Variants in SERGEF observed in about 807,000 individuals in gnomAD.
SERGEF encodes secretion-regulating guanine nucleotide exchange factor.
SERGEF carries 51 observed loss-of-function variants against 50.0 expected under a neutral mutation model. The ratio of observed to expected loss-of-function variants is 1.02; its 90% confidence interval spans 0.81 to 1.29. SERGEF has a LOEUF of 1.29. SERGEF is among the 50% of genes most tolerant of loss of function. The pLI, the probability that SERGEF is intolerant of heterozygous loss-of-function variation, is 0.00. For synonymous variants in SERGEF, 205 were observed against 212.4 expected (o/e 0.97, Z 0.30); for missense variants, 521 against 557.0 (o/e 0.94, Z 0.65).
At chr11:17,808,034 A>G (rs773496430) in intron 10 of SERGEF, among the ~76,000 whole-genome samples, 1 of 151,982 alleles carries the variant, frequency 6.6e-6, no homozygotes, top group Non-Finnish European at 1.5e-5. Flanking sequence ...GTGTCCCCTA[A>G]TCTGAGAGTT....
chr11:17,851,607 T>G (rs1390586235), intron 10 of SERGEF, among the ~76,000 whole-genome samples: 1 of 152,136 alleles, frequency 6.6e-6, no homozygotes, highest in African/African-American at 2.4e-5. Flanking sequence ...CCCAAAGTCA[T>G]GAAGTCAGCC....
At chr11:17,994,270 C>T (rs761585869) in intron 6 of SERGEF, among the ~76,000 whole-genome samples, 1 of 151,850 alleles carries the variant, frequency 6.6e-6, no homozygotes, top group Non-Finnish European at 1.5e-5. Context: ...GTCAGGAGAT[C>T]GAGACCATCC....
intron 10 of SERGEF, among the ~76,000 whole-genome samples, chr11:17,827,631 G>C (rs145682159): frequency 8.5e-5 from 13 of 152,182 alleles, no homozygotes; most frequent in Non-Finnish European, 1.3e-4. Context: ...CTACTCTTCA[G>C]TTACCTCTCG....
At chr11:17,967,449 C>T (rs939749223) in intron 8 of SERGEF, among the ~76,000 whole-genome samples, 10 of 152,194 alleles carry the variant, frequency 6.6e-5, no homozygotes, top group Non-Finnish European at 1.3e-4. Flanking sequence ...CCATCCTTGA[C>T]CTATATGGCA....
intron 7 of SERGEF, among the ~76,000 whole-genome samples, chr11:17,992,684 C>G (rs967377813): frequency 6.6e-6 from 1 of 152,144 alleles, no homozygotes; most frequent in Non-Finnish European, 1.5e-5. Flanking sequence ...TGGAAGTGAG[C>G]CTATGTCTGC....
In SERGEF at chr11:17,917,450, T is replaced by G. The variant is rs529145159; in HGVS notation, c.1012-39206A>C. Among the ~76,000 whole-genome samples the G allele has an allele frequency of 8.5e-5, 13 of 152,274 alleles. No homozygotes were observed. The South Asian group carries it at 2.5e-3, about 29-fold the overall frequency. The stretch of plus-strand genomic sequence containing the variant: ...GGGAAGTGGGTGATGGATACAAGAC[T>G]GCAAATTGGGTTTAATGTATACTGC... On this transcript the variant is annotated intron_variant, in intron 9 of 10. Transcript: ENST00000265965.
chr11:17,810,806 G>GAAA (rs879258745), intron 10 of SERGEF, among the ~76,000 whole-genome samples: 2 of 134,702 alleles, frequency 1.5e-5, no homozygotes, highest in Non-Finnish European at 3.2e-5. Flanking sequence ...TACAGGTGAA[G>GAAA]AAAAAAAAAA....
At chr11:17,951,338 T>A (rs571029003) in intron 9 of SERGEF, among the ~76,000 whole-genome samples, 1 of 152,228 alleles carries the variant, frequency 6.6e-6, no homozygotes, top group Non-Finnish European at 1.5e-5. Flanking sequence ...GATATTATTA[T>A]GTGCACTTTG....
chr11:17,984,811 T>C (rs1217200031), intron 8 of SERGEF, among the ~76,000 whole-genome samples: 1 of 152,208 alleles, frequency 6.6e-6, no homozygotes, highest in East Asian at 1.9e-4. Flanking sequence ...ACTTATTCAT[T>C]CAGCACTTAG....
intron 8 of SERGEF, among the ~76,000 whole-genome samples, chr11:17,986,753 T>G (rs1200669310): frequency 1.3e-5 from 2 of 152,268 alleles, no homozygotes; most frequent in Admixed American, 6.5e-5. Context: ...CTTGGAAGAC[T>G]GACTAACCAT....
intron 8 of SERGEF, among the ~76,000 whole-genome samples, chr11:17,970,586 G>T (rs1853226310): frequency 6.6e-6 from 1 of 152,230 alleles, no homozygotes; most frequent in Non-Finnish European, 1.5e-5. Context: ...CAAAAGCCAA[G>T]ATAGGCTAAA....
At position 17,789,848 on chromosome 11, in the gene SERGEF, G is replaced by A. The variant is rs546011936; in HGVS notation, c.1049-1435C>T. ...AAGTAAATTAAAATTAGCCAGACATGGTGGTGCATGCCTGTAATCCCAGCT... is the reference window on the plus strand; with the variant it reads ...AAGTAAATTAAAATTAGCCAGACATAGTGGTGCATGCCTGTAATCCCAGCT... On this transcript the variant is annotated intron_variant, in intron 10 of 10. Transcript: ENST00000265965. Among the ~76,000 whole-genome samples, 15 of 152,230 alleles carry A rather than the reference G, an allele frequency of 9.9e-5. No individual in the cohort carries two copies. In the South Asian group the frequency reaches 2.9e-3, roughly 29 times the overall value.
chr11:17,871,624 A>C (rs1170915895), intron 10 of SERGEF, among the ~76,000 whole-genome samples: 1 of 152,170 alleles, frequency 6.6e-6, no homozygotes, highest in African/African-American at 2.4e-5. Context: ...AAAGACTTAA[A>C]GTCTTCGGAC....
chr11:17,896,508 A>T (rs1035598081), intron 9 of SERGEF, among the ~76,000 whole-genome samples: 2 of 148,772 alleles, frequency 1.3e-5, no homozygotes. Context: ...GAAAAAAATG[A>T]GTGTTTTCAG....
chr11:17,878,102 C>T, intron 10 of SERGEF, 106 bp downstream of exon 10: 5 of 780,162 alleles, frequency 6.4e-6, no homozygotes, highest in African/African-American at 1.8e-5. Flanking sequence ...TCCCCTAACA[C>T]ACATGCATGA....
At position 17,888,403 on chromosome 11, in the gene SERGEF, TTAAC is replaced by T. The variant is rs1185460915; in HGVS notation, c.1012-10163_1012-10160del. Among the ~76,000 whole-genome samples, 2 of 152,180 alleles carry T rather than the reference TTAAC, an allele frequency of 1.3e-5. No homozygotes were observed. The highest frequency in any genetic ancestry group is 2.9e-5 in the Non-Finnish European group (2 of 68,040). The stretch of plus-strand genomic sequence containing the variant: ...TACAAACAAACAATGCAAAAAAAAT[TTAAC>T]TACTTTGTAGGTTATTTTCTTTCAT... On this transcript the variant is annotated intron_variant, in intron 9 of 10. Coordinates refer to ENST00000265965, the MANE Select transcript of SERGEF (RefSeq NM_012139.4). This position sits in a 1 kb window ranked among gnomAD's most constrained non-coding sequence, Gnocchi z 4.1.
intron 9 of SERGEF, among the ~76,000 whole-genome samples, chr11:17,944,944 T>G (rs953892310): frequency 2.6e-5 from 4 of 152,174 alleles, no homozygotes; most frequent in Admixed American, 1.3e-4. Context: ...AAAAGAATGA[T>G]CTCATGAACA....
chr11:17,906,188 G>A (rs1051311815), intron 9 of SERGEF, among the ~76,000 whole-genome samples: 1 of 152,092 alleles, frequency 6.6e-6, no homozygotes, highest in African/African-American at 2.4e-5. Flanking sequence ...GGGAGGGGTG[G>A]GCTGATAAGG....
At chr11:17,886,376 G>A (rs1207378285) in intron 9 of SERGEF, among the ~76,000 whole-genome samples, 1 of 152,184 alleles carries the variant, frequency 6.6e-6, no homozygotes, top group Non-Finnish European at 1.5e-5. Flanking sequence ...TTAGGAGGCT[G>A]AGGCAAGCAG....
Sources: gnomAD v4.1 joint callset for allele counts (sites outside exome capture counted in the v4.1 genomes callset) on GRCh38, gnomAD v4.1.1 for gene constraint, Gnocchi (gnomAD v3.1) non-coding constraint, MANE v1.5 for transcripts, NCBI Gene and HGNC (gene_info 2026-07-23, HGNC 2026-07-21) for gene names.